The following NIPBL variants were observed in gnomAD, a reference collection of about 807,000 sequenced individuals.
NIPBL encodes NIPBL cohesin loading factor, also known as nipped-B-like protein.
Under a neutral mutation model 321.8 loss-of-function variants are expected in NIPBL, and 19 were observed. That is an observed-to-expected ratio of 0.06 (90% CI 0.04 to 0.09). The LOEUF (loss-of-function observed/expected upper bound fraction) is 0.09. NIPBL is among the 10% of genes least tolerant of loss of function. NIPBL has a pLI of 1.00. For missense variants in NIPBL, 2,210 were observed against 3,327.0 expected (o/e 0.66, Z 8.26); for synonymous variants, 1,106 against 1,114.1 (o/e 0.99, Z 0.14).
intron 1 of NIPBL, among the ~76,000 whole-genome samples, chr5:36,950,463 A>T (rs182156245): frequency 1.8e-4 from 28 of 152,182 alleles, no homozygotes; most frequent in African/African-American, 6.7e-4. Context: ...CAACTCTCAG[A>T]TGGCTTTGCC....
intron 1 of NIPBL, among the ~76,000 whole-genome samples, chr5:36,952,070 G>GCGCT (rs1554010338): frequency 1.9e-4 from 27 of 139,228 alleles, no homozygotes; most frequent in Non-Finnish European, 3.6e-4. Context: ...GCGCGCGCGC[G>GCGCT]CGCATGTGTG....
chr5:37,015,694 G>A (rs1374424823), intron 22 of NIPBL, among the ~76,000 whole-genome samples: 2 of 152,092 alleles, frequency 1.3e-5, no homozygotes, highest in Non-Finnish European at 2.9e-5. Context: ...TCATGCCACT[G>A]CACTCCAGCC....
intron 6 of NIPBL, among the ~76,000 whole-genome samples, chr5:36,964,999 A>G (rs1374991969): frequency 6.6e-6 from 1 of 152,168 alleles, no homozygotes; most frequent in Non-Finnish European, 1.5e-5. Flanking sequence ...CTTAATTAAA[A>G]TGGCCTTTTT....
chr5:37,002,191 G>T (rs960123435), intron 14 of NIPBL, among the ~76,000 whole-genome samples: 2 of 152,188 alleles, frequency 1.3e-5, no homozygotes, highest in Non-Finnish European at 2.9e-5. Flanking sequence ...TGTAGAGTAG[G>T]CTGCCTTGAA....
rs1754391726 is a variant in NIPBL at position 37,059,061 on chromosome 5, A to G, written c.7581A>G (p.Pro2527=). ...TAAATTCAGTGATGAAATGTTTGCC[A>G]GAAAATTCAGCTCCTTTAATCGAAT... ...DDINSVMKCL[P]ENSAPLIEFA... is the part of the protein sequence containing the mutation. Residue 2527 remains proline (P), a synonymous_variant, in exon 44 of 47, where the codon CCA becomes CCG. Coordinates refer to ENST00000282516, the MANE Select transcript of NIPBL (RefSeq NM_133433.4). 1 of 1,614,118 alleles carries G rather than the reference A, an allele frequency of 6.2e-7. No homozygotes were observed. The highest frequency in any genetic ancestry group is 8.5e-7 in the Non-Finnish European group (1 of 1,180,032).
intron 18 of NIPBL, 99 bp downstream of exon 18, chr5:37,007,573 A>C (rs1381686970): frequency 3.7e-6 from 3 of 818,736 alleles, no homozygotes; most frequent in Non-Finnish European, 5.8e-6. Context: ...CTATATTATC[A>C]AGAATTTTTC....
At chr5:36,987,983 A>G in intron 10 of NIPBL, among the ~76,000 whole-genome samples, 1 of 152,122 alleles carries the variant, frequency 6.6e-6, no homozygotes, top group East Asian at 1.9e-4. Flanking sequence ...ACAATTTTAG[A>G]AGAGTCAGGT....
At chr5:36,901,297 T>C (rs934081830) in intron 1 of NIPBL, among the ~76,000 whole-genome samples, 1 of 152,316 alleles carries the variant, frequency 6.6e-6, no homozygotes, top group South Asian at 2.1e-4. Flanking sequence ...TATGGCTACA[T>C]AGTATTCCAT....
At chr5:37,057,828 A>G (rs1039673485) in intron 43 of NIPBL, among the ~76,000 whole-genome samples, 1 of 152,126 alleles carries the variant, frequency 6.6e-6, no homozygotes, top group Non-Finnish European at 1.5e-5. Flanking sequence ...TGAACCTTCC[A>G]TTGTTTCTGT....
intron 38 of NIPBL, 49 bp from the exon 39 acceptor site, chr5:37,048,453 A>T (rs780277093): frequency 5.2e-6 from 6 of 1,143,310 alleles, no homozygotes; most frequent in South Asian, 1.9e-5. Flanking sequence ...TAAATGTTTT[A>T]TTTAATTTTA....
chr5:37,020,972 G>C, intron 27 of NIPBL, 95 bp downstream of exon 27: 1 of 908,942 alleles, frequency 1.1e-6, no homozygotes, highest in Non-Finnish European at 1.8e-6. Flanking sequence ...GTTGAGTACA[G>C]ATACTTAAAA....
chr5:36,895,407 A>T (rs941470100), intron 1 of NIPBL, among the ~76,000 whole-genome samples: 1 of 152,168 alleles, frequency 6.6e-6, no homozygotes, highest in African/African-American at 2.4e-5. Flanking sequence ...TTTGACTATT[A>T]TGAATAATGC....
intron 1 of NIPBL, among the ~76,000 whole-genome samples, chr5:36,934,124 T>C (rs943964347): frequency 5.3e-5 from 8 of 152,184 alleles, no homozygotes; most frequent in African/African-American, 1.7e-4. Context: ...GATTTCACAC[T>C]CTTTAACTTA....
rs534151224 is a variant in NIPBL at position 37,031,075 on chromosome 5, C to T, written c.5862+3663C>T. Among the ~76,000 whole-genome samples the T allele has an allele frequency of 1.2e-3, 190 of 152,218 alleles. 2 individuals are homozygous for T. Among genetic ancestry groups the T allele is most frequent in the African/African-American group, 4.4e-3 (184 of 41,530 alleles). ...CTCCGCTCACTGCAACCTCCGCCTC[C>T]TGGGTTCAAGTGATTCTCTTGCCTC... is the stretch of plus-strand genomic sequence containing the variant. On this transcript the variant is annotated intron_variant, in intron 32 of 46. Coordinates refer to ENST00000282516, the MANE Select transcript of NIPBL (RefSeq NM_133433.4).
intron 34 of NIPBL, among the ~76,000 whole-genome samples, chr5:37,040,723 G>C (rs1429651776): frequency 6.6e-6 from 1 of 152,138 alleles, no homozygotes; most frequent in Non-Finnish European, 1.5e-5. Context: ...CTGAGAAGTG[G>C]ACTTGCTAGG....
chr5:37,044,237 C>A, intron 34 of NIPBL, 110 bp from the exon 35 acceptor site: 26 of 846,852 alleles, frequency 3.1e-5, no homozygotes, highest in Non-Finnish European at 4.0e-5. Context: ...TTTTTTTTAA[C>A]TGGACCTTTA....
chr5:36,975,272 CT>C (rs1299812686), intron 8 of NIPBL, among the ~76,000 whole-genome samples: 3 of 152,060 alleles, frequency 2.0e-5, no homozygotes, highest in African/African-American at 7.2e-5. Context: ...TGACCACTTG[CT>C]TTTTGTTATC....
intron 1 of NIPBL, among the ~76,000 whole-genome samples, chr5:36,942,069 A>C (rs1381791269): frequency 6.6e-6 from 1 of 152,106 alleles, no homozygotes; most frequent in Non-Finnish European, 1.5e-5. Context: ...CGAACTATTT[A>C]AAATAATTTA....
chr5:37,061,041 T>G (rs776406320), intron 45 of NIPBL, 23 bp downstream of exon 45: 2 of 1,604,766 alleles, frequency 1.2e-6, no homozygotes, highest in Non-Finnish European at 1.7e-6. Context: ...ACCAAAAGTT[T>G]TTACTTCTCA....
Sources: allele counts gnomAD v4.1 joint callset (sites outside exome capture counted in the v4.1 genomes callset), GRCh38; gene constraint gnomAD v4.1.1; transcripts MANE v1.5; gene names NCBI Gene and HGNC (gene_info 2026-07-23, HGNC 2026-07-21).